The following CSMD2 variants were observed in gnomAD, a reference collection of about 807,000 sequenced individuals.
CSMD2 encodes CUB and Sushi multiple domains 2.
In CSMD2, 130 loss-of-function variants were observed where a neutral mutation model predicts 398.5. The observed-to-expected ratio is 0.33, with a 90% CI of 0.28 to 0.38. CSMD2 has a LOEUF of 0.38. Ranked by LOEUF, CSMD2 falls within the 10% of genes least tolerant of loss-of-function variation. The probability of loss-of-function intolerance (pLI) is 1.00; values close to 1 mark genes in which losing one functional copy is unlikely to be tolerated. For missense variants in CSMD2, 3,829 were observed against 4,764.9 expected, an observed-to-expected ratio of 0.80 and a Z score of 5.78; for synonymous variants, 1,828 against 1,908.5, an observed-to-expected ratio of 0.96 and a Z score of 1.10.
At chr1:33,751,936 TTTTTG>T (rs1387776644) in intron 13 of CSMD2, among the ~76,000 whole-genome samples, 4 of 152,114 alleles carry the variant, frequency 2.6e-5, no homozygotes, top group Non-Finnish European at 5.9e-5. Flanking sequence ...AGTTGGGTGT[TTTTTG>T]TTTTGTTTTG....
chr1:33,557,596 A>C lies in CSMD2; in HGVS notation c.8743+138T>G, dbSNP rs965089159. On this transcript the variant is annotated intron_variant, in intron 55 of 70. Transcript: ENST00000373381. ...GAGTAGCCAGAGTGACTGTCACCAT[A>C]AGGCAACTCATACATGTGCAGACAC... 6.2e-6 allele frequency: 5 copies of C among 810,028 alleles called. No individual in the cohort carries two copies. The African/African-American group carries it at 8.6e-5, about 14-fold the overall frequency. 50.2% of individuals were successfully genotyped at this position (810,028 alleles called of 1,614,324 possible).
chr1:33,800,176 A>G (rs531388748), intron 10 of CSMD2, among the ~76,000 whole-genome samples: 152 of 152,320 alleles, frequency 1.0e-3, no homozygotes, highest in Non-Finnish European at 1.9e-3. Flanking sequence ...TGCCAGTGTA[A>G]CTATTAGCTC....
At chr1:33,594,945 G>C (rs2148781299) in intron 44 of CSMD2, among the ~76,000 whole-genome samples, 1 of 152,326 alleles carries the variant, frequency 6.6e-6, no homozygotes, top group South Asian at 2.1e-4. Context: ...TTGCAAGTAA[G>C]TCGCCAACAT....
At chr1:34,110,490 C>T (rs930211473) in intron 1 of CSMD2, among the ~76,000 whole-genome samples, 1 of 151,952 alleles carries the variant, frequency 6.6e-6, no homozygotes, top group Non-Finnish European at 1.5e-5. Context: ...GGTACATATA[C>T]ACCATGGAAT....
intron 25 of CSMD2, among the ~76,000 whole-genome samples, chr1:33,690,077 C>T (rs777905413): frequency 3.3e-5 from 5 of 152,138 alleles, no homozygotes; most frequent in Non-Finnish European, 5.9e-5. Context: ...CGGCCCAGCC[C>T]GTCCCACTCC....
Position 33,846,981 on chromosome 1 carries a change from G to A in CSMD2, c.936C>T (p.Ser312=). 5 of 1,608,846 alleles carry A rather than the reference G, an allele frequency of 3.1e-6. No homozygotes were observed. The highest frequency in any genetic ancestry group is 4.2e-6 in the Non-Finnish European group (5 of 1,177,414). ...EGSSLWFTGA[S]LPAPVISSKN... ...TGCTGCTGATAACGGGGGCTGGGAG[G>A]CTGGCTCCGGTGAACCTGTGGGAAC... Residue 312 remains serine, a synonymous_variant, in exon 6 of 71, where the codon AGC becomes AGT. Transcript: ENST00000373381.
intron 2 of CSMD2, among the ~76,000 whole-genome samples, chr1:34,080,921 G>GGAAAGAAAGAAA (rs10522397): frequency 0.075 from 9,373 of 124,890 alleles, 453 homozygotes; most frequent in East Asian, 0.11. Flanking sequence ...CTAACTGAGT[G>GGAAAGAAAGAAA]GAAAGAAAGA....
chr1:33,578,948 T>C (rs1034569822), intron 48 of CSMD2, among the ~76,000 whole-genome samples: 5 of 152,236 alleles, frequency 3.3e-5, no homozygotes, highest in Non-Finnish European at 5.9e-5. Flanking sequence ...ATCCACATGG[T>C]TACCTCCCTC....
At chr1:33,982,428 C>T (rs1013110609) in intron 3 of CSMD2, among the ~76,000 whole-genome samples, 6 of 152,154 alleles carry the variant, frequency 3.9e-5, no homozygotes, top group Non-Finnish European at 5.9e-5. Context: ...CTTGAGAAAG[C>T]CATTTAACCA....
rs1640892714 is a variant in CSMD2 at position 33,610,072 on chromosome 1, C to T, written c.6343+969G>A. Among the ~76,000 whole-genome samples, 8 of 152,192 alleles carry T rather than the reference C, an allele frequency of 5.3e-5. 1 individual carries two copies. The South Asian group carries it at 1.7e-3, about 32-fold the overall frequency. On this transcript the variant is annotated intron_variant, in intron 41 of 70. Transcript: ENST00000373381. The stretch of plus-strand genomic sequence containing the variant: ...AACTAGAAAGTGGGTCTTCACCAGA[C>T]ACGGAATCTGCTGGCACTGTGATCT...
At chr1:33,739,444 C>T (rs1357851779) in intron 14 of CSMD2, 110 bp from the exon 15 acceptor site, 4 of 1,038,034 alleles carry the variant, frequency 3.9e-6, no homozygotes, top group Admixed American at 5.1e-5. Context: ...CACCACCTCC[C>T]CAAGAACTTG....
intron 3 of CSMD2, among the ~76,000 whole-genome samples, chr1:34,011,340 A>T (rs987653135): frequency 1.4e-4 from 21 of 152,126 alleles, no homozygotes; most frequent in Admixed American, 6.5e-5. Context: ...ATCAAAACTG[A>T]CAAAAGTCCG....
intron 29 of CSMD2, among the ~76,000 whole-genome samples, chr1:33,638,041 G>T (rs1642906004): frequency 6.6e-6 from 1 of 152,184 alleles, no homozygotes; most frequent in South Asian, 2.1e-4. Context: ...GAGCATGTGA[G>T]AAGATCCTGC....
In CSMD2 at chr1:34,164,839, C is replaced by G. The variant is rs1354553758; in HGVS notation, c.187+72G>C. On this transcript the variant is annotated intron_variant, in intron 1 of 70. Coordinates refer to ENST00000373381, the MANE Select transcript of CSMD2 (RefSeq NM_001281956.2). The surrounding 1 kb of genome is among the most constrained non-coding windows in gnomAD (Gnocchi z 6.2). ...GCGGGGGGAGGGACTGGGACCGGGTCGAGGATGGGTGGGCTCGGGGCTCGG... is the reference window on the plus strand; with the variant it reads ...GCGGGGGGAGGGACTGGGACCGGGTGGAGGATGGGTGGGCTCGGGGCTCGG... 1.5e-5 allele frequency: 16 copies of G among 1,070,186 alleles called. No individual in the cohort carries two copies. The highest frequency in any genetic ancestry group is 1.7e-5 in the Non-Finnish European group (15 of 888,120). 66.3% of individuals were successfully genotyped at this position (1,070,186 alleles called of 1,614,324 possible).
At chr1:33,932,030 T>A (rs1427743118) in intron 4 of CSMD2, among the ~76,000 whole-genome samples, 2 of 152,096 alleles carry the variant, frequency 1.3e-5, no homozygotes, top group African/African-American at 4.8e-5. Context: ...TGGGGGCCGA[T>A]GATGCGATGT....
intron 3 of CSMD2, among the ~76,000 whole-genome samples, chr1:33,950,755 TC>T (rs1482646720): frequency 6.6e-6 from 1 of 152,156 alleles, no homozygotes; most frequent in African/African-American, 2.4e-5. Context: ...CTCCACACTC[TC>T]TAGACCTGGC....
chr1:33,594,842 C>A (rs1431057112), intron 44 of CSMD2, among the ~76,000 whole-genome samples: 1 of 152,168 alleles, frequency 6.6e-6, no homozygotes, highest in African/African-American at 2.4e-5. Context: ...TAGTATCTAG[C>A]TTCCCTTGGA....
intron 25 of CSMD2, among the ~76,000 whole-genome samples, chr1:33,692,690 A>G (rs564002245): frequency 3.9e-5 from 6 of 152,132 alleles, no homozygotes; most frequent in Non-Finnish European, 8.8e-5. Flanking sequence ...GCCCTCGGCT[A>G]CTCTGCTGTA....
Position 33,572,653 on chromosome 1 carries a change from T to C in CSMD2, c.7615A>G (p.Met2539Val), listed in dbSNP as rs764308382. The change falls in exon 50 of 71, where the codon ATG (methionine) becomes GTG (valine). Residue 2539 changes from methionine (M) to valine (V), a missense_variant. Met to Val is a conservative substitution (Grantham distance 21). Around this residue, in one of 5 missense-constraint regions of CSMD2, gnomAD observed 723 missense variants for 758.6 expected, o/e 0.95. Coordinates refer to ENST00000373381, the MANE Select transcript of CSMD2 (RefSeq NM_001281956.2). ...CGLPEAPKNG[M>V]VFGKEYTVGT... ...ACTGTGTACTCCTTGCCAAACACCATTCCATTCTTGGGGGCCTCAGGAAGC... is the reference window on the plus strand; with the variant it reads ...ACTGTGTACTCCTTGCCAAACACCACTCCATTCTTGGGGGCCTCAGGAAGC... The C allele has an allele frequency of 8.1e-6, 13 of 1,613,348 alleles. No homozygotes were observed. The highest frequency in any genetic ancestry group is 4.0e-5 in the African/African-American group (3 of 74,898).
Sources: allele counts gnomAD v4.1 joint callset (sites outside exome capture counted in the v4.1 genomes callset), GRCh38; gene constraint gnomAD v4.1.1; regional missense constraint gnomAD v4.1.1; non-coding constraint Gnocchi (gnomAD v3.1); transcripts MANE v1.5; gene names NCBI Gene and HGNC (gene_info 2026-07-23, HGNC 2026-07-21).